FAM163A: variants seen among roughly 807,000 people sequenced by gnomAD.
FAM163A encodes the protein family with sequence similarity 163 member A, also known as protein FAM163A.
In FAM163A, 7 loss-of-function variants were observed where a neutral mutation model predicts 12.0. The observed-to-expected ratio is 0.58, with a 90% CI of 0.33 to 1.10. FAM163A has a LOEUF of 1.10. FAM163A is among the 50% of genes least tolerant of loss of function. The pLI is 0.03. For missense variants in FAM163A, 202 were observed against 218.6 expected (o/e 0.92, Z 0.48); for synonymous variants, 101 against 91.0 (o/e 1.11, Z -0.62).
At position 179,760,840 on chromosome 1, in the gene FAM163A, TC is replaced by T. The variant is rs953561652; in HGVS notation, c.-136+17420del. 7.2e-4 allele frequency among the ~76,000 whole-genome samples: 110 copies of T among 152,304 alleles called. 1 individual carries two copies. The highest frequency in any genetic ancestry group is 3.3e-4 in the Admixed American group (5 of 15,302). On this transcript the variant is annotated intron_variant, in intron 1 of 4. Coordinates refer to ENST00000341785, the MANE Select transcript of FAM163A (RefSeq NM_173509.3). ...CTCAAGGTTCATCTCTTCTTGTATG[TC>T]CCACAAGGACCCCCGCAATCTGGCT...
At chr1:179,789,373 G>A (rs983568270) in intron 1 of FAM163A, among the ~76,000 whole-genome samples, 27 of 152,128 alleles carry the variant, frequency 1.8e-4, no homozygotes, top group African/African-American at 6.3e-4. Context: ...GTAGAGATGG[G>A]GTTTCACCTT....
intron 1 of FAM163A, among the ~76,000 whole-genome samples, chr1:179,768,895 C>T (rs967232595): frequency 3.3e-5 from 5 of 152,060 alleles, no homozygotes; most frequent in African/African-American, 1.2e-4. Flanking sequence ...TGAGCCACTG[C>T]ACCCGGCCTG....
chr1:179,800,480 A>T (rs1693002730), intron 1 of FAM163A, among the ~76,000 whole-genome samples: 1 of 152,156 alleles, frequency 6.6e-6, no homozygotes, highest in Non-Finnish European at 1.5e-5. Context: ...GGATATGCCT[A>T]CTCTGGGGTG....
At chr1:179,786,613 C>G (rs1690670826) in intron 1 of FAM163A, among the ~76,000 whole-genome samples, 1 of 152,202 alleles carries the variant, frequency 6.6e-6, no homozygotes, top group Non-Finnish European at 1.5e-5. Context: ...CATAATTGTG[C>G]CCATTGAATC....
the FAM163A span, among the ~76,000 whole-genome samples, chr1:179,731,190 C>A: frequency 6.6e-6 from 1 of 152,110 alleles, no homozygotes. Flanking sequence ...ATTGAGTATA[C>A]AGTCAGGGGA....
intron 1 of FAM163A, among the ~76,000 whole-genome samples, chr1:179,801,939 C>A (rs1693237874): frequency 1.3e-5 from 2 of 152,198 alleles, no homozygotes. Context: ...ACCTGTGTAT[C>A]AATAAATGCC....
intron 1 of FAM163A, among the ~76,000 whole-genome samples, chr1:179,778,715 G>T (rs138896145): frequency 6.6e-6 from 1 of 152,262 alleles, no homozygotes; most frequent in East Asian, 1.9e-4. Context: ...AGACACTCAG[G>T]CTGCAAACTC....
intron 1 of FAM163A, among the ~76,000 whole-genome samples, chr1:179,755,628 A>G (rs907276316): frequency 2.0e-5 from 3 of 152,124 alleles, no homozygotes; most frequent in Non-Finnish European, 4.4e-5. Context: ...GAAATAGAAC[A>G]CTCTAATTCA....
chr1:179,764,954 A>G (rs749891316), intron 1 of FAM163A, among the ~76,000 whole-genome samples: 1 of 152,204 alleles, frequency 6.6e-6, no homozygotes, highest in Non-Finnish European at 1.5e-5. Flanking sequence ...GAGCTCAGTA[A>G]TTGTTAGCCA....
At chr1:179,760,216 A>G (rs1457150638) in intron 1 of FAM163A, among the ~76,000 whole-genome samples, 1 of 152,128 alleles carries the variant, frequency 6.6e-6, no homozygotes, top group African/African-American at 2.4e-5. Context: ...GATGCCTCAC[A>G]TATATTGGTC....
chr1:179,751,992 G>A (rs1479414355), intron 1 of FAM163A, among the ~76,000 whole-genome samples: 1 of 152,048 alleles, frequency 6.6e-6, no homozygotes, highest in Non-Finnish European at 1.5e-5. Context: ...ACCCCAAATA[G>A]CCAAAATCTT....
chr1:179,781,386 T>C (rs991707634), intron 1 of FAM163A, among the ~76,000 whole-genome samples: 2 of 152,066 alleles, frequency 1.3e-5, no homozygotes, highest in African/African-American at 4.8e-5. Context: ...GATCTCCCCT[T>C]CTCCCACATC....
chr1:179,779,657 TC>T (rs1397227284), intron 1 of FAM163A, among the ~76,000 whole-genome samples: 1 of 152,212 alleles, frequency 6.6e-6, no homozygotes, highest in Non-Finnish European at 1.5e-5. Context: ...TAATGTGCAT[TC>T]CTATTTCCTG....
chr1:179,796,184 C>A (rs554408116), intron 1 of FAM163A, among the ~76,000 whole-genome samples: 3 of 151,488 alleles, frequency 2.0e-5, no homozygotes, highest in African/African-American at 7.3e-5. Context: ...TTGGGATGTA[C>A]ATCAATGCTA....
chr1:179,791,924 C>T (rs1432261634), intron 1 of FAM163A, among the ~76,000 whole-genome samples: 2 of 152,118 alleles, frequency 1.3e-5, no homozygotes, highest in Non-Finnish European at 2.9e-5. Flanking sequence ...CTGCTAGCAG[C>T]GGTCCTTTAT....
At chr1:179,778,811 C>T (rs1218109230) in intron 1 of FAM163A, among the ~76,000 whole-genome samples, 1 of 152,136 alleles carries the variant, frequency 6.6e-6, no homozygotes, top group Non-Finnish European at 1.5e-5. Flanking sequence ...TGCCAAGGGG[C>T]TTGTAGTGGG....
chr1:179,751,070 A>G (rs1685209793), intron 1 of FAM163A, among the ~76,000 whole-genome samples: 1 of 152,144 alleles, frequency 6.6e-6, no homozygotes, highest in Non-Finnish European at 1.5e-5. Flanking sequence ...ATTGTGAGTG[A>G]GTCTCAGCCA....
intron 1 of FAM163A, among the ~76,000 whole-genome samples, chr1:179,754,865 C>T (rs763263838): frequency 3.3e-5 from 5 of 152,074 alleles, no homozygotes; most frequent in African/African-American, 7.2e-5. Flanking sequence ...GGCTGGGCGC[C>T]GTGGCTCATG....
intron 1 of FAM163A, among the ~76,000 whole-genome samples, chr1:179,791,949 G>A (rs1403891357): frequency 1.3e-5 from 2 of 152,036 alleles, no homozygotes; most frequent in African/African-American, 4.8e-5. Context: ...ATGTCTTCCT[G>A]TTCCAGAAAC....
Sources: gnomAD v4.1 joint callset for allele counts (sites outside exome capture counted in the v4.1 genomes callset) on GRCh38, gnomAD v4.1.1 for gene constraint, MANE v1.5 for transcripts, NCBI Gene and HGNC (gene_info 2026-07-23, HGNC 2026-07-21) for gene names.